The following COL22A1 variants were observed in gnomAD, a reference collection of about 807,000 sequenced individuals.
COL22A1 encodes the protein collagen alpha-1(XXII) chain.
A neutral mutation model predicts 248.9 loss-of-function variants in COL22A1; 221 were observed. The observed-to-expected ratio is 0.89, with a 90% CI of 0.80 to 0.99. COL22A1 has a LOEUF of 0.99. COL22A1 is among the 50% of genes least tolerant of loss of function. The pLI is 0.00. For synonymous variants in COL22A1, 891 were observed against 793.4 expected, an observed-to-expected ratio of 1.12 and a Z score of -2.07; for missense variants, 2,240 against 2,179.0, an observed-to-expected ratio of 1.03 and a Z score of -0.56.
chr8:138,664,196 C>CGCGCGT (rs1303897483), intron 41 of COL22A1, among the ~76,000 whole-genome samples: 1 of 70,176 alleles, frequency 1.4e-5, no homozygotes, highest in Non-Finnish European at 3.2e-5. Flanking sequence ...ACAAGGGGTG[C>CGCGCGT]GCGCGCGCGC....
chr8:138,737,561 A>T lies in COL22A1; in HGVS notation c.2102T>A (p.Met701Lys). ...CAATCCAGGGATTCCAGGTGGTCCCATGTCACCTTTCTTCCCCTGAGTGTA... is the reference window on the plus strand; with the variant it reads ...CAATCCAGGGATTCCAGGTGGTCCCTTGTCACCTTTCTTCCCCTGAGTGTA... ...LQGLRGKKGD[M>K]GPPGIPGLLG... The change falls in exon 23 of 65, where the codon ATG becomes AAG. Residue 701 changes from methionine to lysine, a missense_variant. Physicochemically the swap from Met to Lys is moderately conservative, Grantham distance 95 (BLOSUM62 -1). Transcript: ENST00000303045. 1 of 1,611,518 alleles carries T rather than the reference A, an allele frequency of 6.2e-7. No individual in the cohort carries two copies. The highest frequency in any genetic ancestry group is 8.5e-7 in the Non-Finnish European group (1 of 1,177,712).
chr8:138,797,407 T>A (rs1330969953), intron 11 of COL22A1, among the ~76,000 whole-genome samples: 1 of 152,208 alleles, frequency 6.6e-6, no homozygotes, highest in Non-Finnish European at 1.5e-5. Context: ...CCAAGGTTAA[T>A]CCATGTCAGA....
intron 12 of COL22A1, among the ~76,000 whole-genome samples, chr8:138,788,784 T>C (rs1815769474): frequency 6.6e-6 from 1 of 152,244 alleles, no homozygotes; most frequent in African/African-American, 2.4e-5. Flanking sequence ...TAATTATGTT[T>C]AACGTTTATG....
intron 36 of COL22A1, 74 bp downstream of exon 36, chr8:138,690,747 C>T (rs1433607995): frequency 8.1e-7 from 1 of 1,240,116 alleles, no homozygotes; most frequent in Admixed American, 2.1e-5. Context: ...TATCCTACGC[C>T]TCTGGCTTTT....
intron 12 of COL22A1, among the ~76,000 whole-genome samples, chr8:138,784,440 G>A (rs1815325593): frequency 6.6e-6 from 1 of 152,162 alleles, no homozygotes; most frequent in Admixed American, 6.5e-5. Context: ...TCAGCCTCCA[G>A]TTACACATCA....
At chr8:138,902,877 C>A (rs1814721285) in intron 1 of COL22A1, among the ~76,000 whole-genome samples, 1 of 151,608 alleles carries the variant, frequency 6.6e-6, no homozygotes, top group South Asian at 2.1e-4. Context: ...GGACAGGAGG[C>A]TTTCACCAAA....
chr8:138,663,985 C>T (rs58255420), intron 41 of COL22A1, among the ~76,000 whole-genome samples: 3,044 of 151,872 alleles, frequency 0.02, 82 homozygotes, highest in African/African-American at 0.07. Context: ...ATCATCCCTG[C>T]GTGGCTCCTG....
chr8:138,743,219 ATAG>A (rs1283919522), intron 22 of COL22A1, among the ~76,000 whole-genome samples: 3 of 135,798 alleles, frequency 2.2e-5, no homozygotes, highest in East Asian at 2.3e-4. Context: ...GTTGATGGTG[ATAG>A]TAGTAGCGAT....
At chr8:138,849,556 CT>C (rs1242302757) in intron 3 of COL22A1, among the ~76,000 whole-genome samples, 2 of 152,234 alleles carry the variant, frequency 1.3e-5, no homozygotes, top group Non-Finnish European at 2.9e-5. Flanking sequence ...GATGCAGCCT[CT>C]CCAAGGGCCA....
At chr8:138,812,431 T>C (rs936690016) in intron 8 of COL22A1, among the ~76,000 whole-genome samples, 1 of 152,098 alleles carries the variant, frequency 6.6e-6, no homozygotes, top group African/African-American at 2.4e-5. Flanking sequence ...GCAAGCCTTG[T>C]GACCAGGACT....
chr8:138,701,340 T>C (rs1483333004), intron 31 of COL22A1, among the ~76,000 whole-genome samples: 1 of 152,172 alleles, frequency 6.6e-6, no homozygotes. Context: ...TCCATGCAGA[T>C]GCCTGGGTCC....
intron 3 of COL22A1, among the ~76,000 whole-genome samples, chr8:138,857,294 C>A (rs1196836884): frequency 6.6e-6 from 1 of 152,194 alleles, no homozygotes; most frequent in Non-Finnish European, 1.5e-5. Flanking sequence ...CCCCCACAGG[C>A]CCTACATCTG....
At chr8:138,663,100 G>C (rs1824129860) in intron 42 of COL22A1, among the ~76,000 whole-genome samples, 1 of 151,824 alleles carries the variant, frequency 6.6e-6, no homozygotes, top group African/African-American at 2.4e-5. Context: ...ACGTTCACAT[G>C]GCATAAGATA....
chr8:138,847,931 G>T (rs950033126), intron 3 of COL22A1, among the ~76,000 whole-genome samples: 2 of 152,144 alleles, frequency 1.3e-5, no homozygotes, highest in African/African-American at 4.8e-5. Context: ...GTAACCAGCT[G>T]GAAGGTCAGA....
At chr8:138,665,274 G>A (rs1396792690) in intron 41 of COL22A1, among the ~76,000 whole-genome samples, 1 of 152,202 alleles carries the variant, frequency 6.6e-6, no homozygotes, top group Non-Finnish European at 1.5e-5. Context: ...GACAGGAAGC[G>A]AGGCTGGAAG....
intron 56 of COL22A1, among the ~76,000 whole-genome samples, chr8:138,613,621 C>T (rs60349569): frequency 0.018 from 2,794 of 151,914 alleles, 80 homozygotes; most frequent in African/African-American, 0.062. Context: ...TCCTATAGAG[C>T]TCCAGCAGTG....
chr8:138,715,843 TTCTC>T, intron 29 of COL22A1, 108 bp from the exon 30 acceptor site: 1 of 796,664 alleles, frequency 1.3e-6, no homozygotes. Context: ...ATGTATATAT[TTCTC>T]TCTCTCACTT....
In COL22A1 at chr8:138,685,944, C is replaced by A. The variant is rs76618249; in HGVS notation, c.2863-632G>T. On this transcript the variant is annotated intron_variant, in intron 37 of 64. Transcript: ENST00000303045. ...CACCCAGTGCGGGCAAATCTATTTC[C>A]GGTGCATCTCTTACAGATCAGCCCT... Among the ~76,000 whole-genome samples the A allele has an allele frequency of 1.4e-4, 22 of 152,250 alleles. No individual in the cohort carries two copies. In the East Asian group the frequency reaches 4.1e-3, roughly 28 times the overall value.
chr8:138,815,571 G>C (rs1818612250), intron 7 of COL22A1, among the ~76,000 whole-genome samples: 2 of 152,238 alleles, frequency 1.3e-5, no homozygotes, highest in African/African-American at 4.8e-5. Context: ...GGCCCTCCCT[G>C]TCACTCTAGC....
Sources: gnomAD v4.1 joint callset for allele counts (sites outside exome capture counted in the v4.1 genomes callset) on GRCh38, gnomAD v4.1.1 for gene constraint, MANE v1.5 for transcripts, NCBI Gene and HGNC (gene_info 2026-07-23, HGNC 2026-07-21) for gene names.